The following ABL2 variants were observed in gnomAD, a reference collection of about 807,000 sequenced individuals.
ABL2 encodes tyrosine-protein kinase ABL2.
Under a neutral mutation model 107.7 loss-of-function variants are expected in ABL2, and 49 were observed. That is an observed-to-expected ratio of 0.45 (90% confidence interval 0.36 to 0.58). ABL2 has a LOEUF of 0.58. Among genes scored for constraint, ABL2 ranks in the 20% least tolerant of loss-of-function variants. The probability of loss-of-function intolerance (pLI) is 0.00; values close to 1 mark genes in which losing one functional copy is unlikely to be tolerated. For missense variants in ABL2, 1,245 were observed against 1,457.0 expected (o/e 0.85, Z 2.37); for synonymous variants, 549 against 548.6 (o/e 1.00, Z -0.01).
At chr1:179,129,888 G>A (rs1451900610) in intron 3 of ABL2, among the ~76,000 whole-genome samples, 1 of 152,008 alleles carries the variant, frequency 6.6e-6, no homozygotes, top group Non-Finnish European at 1.5e-5. Context: ...ATGTACAATT[G>A]GCCAGCACAT....
chr1:179,174,849 C>G (rs147748084), intron 1 of ABL2, among the ~76,000 whole-genome samples: 1 of 142,460 alleles, frequency 7.0e-6, no homozygotes, highest in African/African-American at 2.6e-5. Context: ...GAGGCCAGAT[C>G]GTGCCACTGC....
intron 1 of ABL2, among the ~76,000 whole-genome samples, chr1:179,189,687 A>AT (rs1660888608): frequency 6.6e-6 from 1 of 152,122 alleles, no homozygotes. Flanking sequence ...ACTCAACACA[A>AT]TATTTCTAAC....
chr1:179,216,788 ATTC>A (rs1283455690), intron 1 of ABL2, among the ~76,000 whole-genome samples: 1 of 151,906 alleles, frequency 6.6e-6, no homozygotes, highest in Non-Finnish European at 1.5e-5. Flanking sequence ...GGTTCAAGCA[ATTC>A]TTCTGCCTCA....
At position 179,126,364 on chromosome 1, in the gene ABL2, C is replaced by T; in HGVS notation, c.687+13G>A. 6.2e-7 allele frequency: 1 copy of T among 1,606,324 alleles called. No individual in the cohort carries two copies. Among genetic ancestry groups the T allele is most frequent in the South Asian group, 1.1e-5 (1 of 90,810 alleles). ...CCAGTCCATGCTTAAAGGTGGTGAC[C>T]AGGGAGTCTTACCTTGCCATCTGCA... On this transcript the variant is annotated intron_variant, in intron 4 of 11. Coordinates refer to ENST00000502732, the MANE Select transcript of ABL2 (RefSeq NM_007314.4). This position sits in a 1 kb window ranked among gnomAD's most constrained non-coding sequence, Gnocchi z 4.4.
At chr1:179,131,239 T>G (rs1427457529) in intron 3 of ABL2, 72 bp downstream of exon 3, 11 of 1,521,256 alleles carry the variant, frequency 7.2e-6, no homozygotes, top group Non-Finnish European at 9.8e-6. Context: ...CCACTGTGCC[T>G]GGCCAGGCCC....
At chr1:179,150,566 A>G (rs1658298575) in intron 1 of ABL2, among the ~76,000 whole-genome samples, 1 of 152,202 alleles carries the variant, frequency 6.6e-6, no homozygotes, top group African/African-American at 2.4e-5. Context: ...TGAACGGATG[A>G]GGAGTGGCTT....
chr1:179,195,609 C>T (rs566299239), intron 1 of ABL2, among the ~76,000 whole-genome samples: 7 of 151,962 alleles, frequency 4.6e-5, no homozygotes, highest in African/African-American at 1.7e-4. Flanking sequence ...GTCACAATAG[C>T]CAAAAAGTGG....
intron 3 of ABL2, among the ~76,000 whole-genome samples, chr1:179,127,803 G>A (rs933553865): frequency 6.6e-6 from 1 of 151,884 alleles, no homozygotes; most frequent in African/African-American, 2.4e-5. Flanking sequence ...AGGCTGAGAG[G>A]GGCGGATCAC....
chr1:179,149,953 CG>C (rs1229312972), intron 1 of ABL2, among the ~76,000 whole-genome samples: 1 of 152,100 alleles, frequency 6.6e-6, no homozygotes, highest in Admixed American at 6.6e-5. Flanking sequence ...CATTTTGGGC[CG>C]GGCATGGTGT....
rs1214447499 is a variant in ABL2, at chr1:179,112,333, A to C, written c.1627T>G (p.Phe543Val). Reference sequence around the variant, plus strand: ...CCTTCAGAAATGCTGGAGTCATGGAACATGGTTTCAAAAGCTTGGTGTGTT... The same window carrying C: ...CCTTCAGAAATGCTGGAGTCATGGACCATGGTTTCAAAAGCTTGGTGTGTT... The part of the protein sequence containing the change: ...AETHQAFETM[F>V]HDSSISEEVA... Residue 543 changes from phenylalanine (F) to valine (V), a missense_variant, in exon 10 of 12, where the codon TTC becomes GTC. Coordinates refer to ENST00000502732, the MANE Select transcript of ABL2 (RefSeq NM_007314.4). 1.9e-6 allele frequency: 3 copies of C among 1,613,850 alleles called. No individual in the cohort carries two copies. The highest frequency in any genetic ancestry group is 2.5e-6 in the Non-Finnish European group (3 of 1,179,754).
In ABL2 at chr1:179,101,435, G is replaced by A. The variant is rs886774862; in HGVS notation, c.*6283C>T. ...TCTGTCACTTAGGCTGGAGTGCAGC[G>A]GCGCGATCTCAGCTCACTGCAACCT... On this transcript the variant is annotated 3_prime_UTR_variant, in exon 12 of 12. Coordinates refer to ENST00000502732, the MANE Select transcript of ABL2 (RefSeq NM_007314.4). The A allele has an allele frequency of 3.4e-5, 6 of 178,374 alleles. 1 individual carries two copies. Among genetic ancestry groups the A allele is most frequent in the East Asian group, 1.9e-4 (2 of 10,786 alleles). The allele number at this position is 178,374 out of a possible 1,614,324, so 11.0% of individuals were successfully genotyped here. A position where few individuals can be genotyped will look rare whatever the true frequency, so the allele number is the denominator to read the frequency against.
chr1:179,210,503 CAAAAAAAAAA>C (rs113814284), intron 1 of ABL2, among the ~76,000 whole-genome samples: 1 of 94,120 alleles, frequency 1.1e-5, no homozygotes, highest in African/African-American at 4.3e-5. Context: ...CTCTAACTCA[CAAAAAAAAAA>C]AAAAAGAAAA....
At chr1:179,195,287 CAAAA>C (rs991296416) in intron 1 of ABL2, among the ~76,000 whole-genome samples, 2 of 151,158 alleles carry the variant, frequency 1.3e-5, no homozygotes, top group Admixed American at 1.3e-4. Flanking sequence ...AACTCTGTCT[CAAAA>C]AAAACAAAAA....
intron 1 of ABL2, among the ~76,000 whole-genome samples, chr1:179,224,570 A>G (rs944706475): frequency 1.3e-5 from 2 of 151,766 alleles, no homozygotes; most frequent in African/African-American, 4.8e-5. Flanking sequence ...CGCCCAGCCT[A>G]AAGTTAATTT....
At position 179,106,258 on chromosome 1, in the gene ABL2, T is replaced by G. The variant is rs1653464958; in HGVS notation, c.*1460A>C. ...ACCTAACTCATTAGATTCACTTCCA[T>G]GCCATCCTAATTAGCTTCCACAATT... is the stretch of plus-strand genomic sequence containing the variant. On this transcript the variant is annotated 3_prime_UTR_variant, in exon 12 of 12. Coordinates refer to ENST00000502732, the MANE Select transcript of ABL2 (RefSeq NM_007314.4). 8.8e-6 allele frequency: 2 copies of G among 227,740 alleles called. No homozygotes were observed. The highest frequency in any genetic ancestry group is 1.7e-5 in the Non-Finnish European group (2 of 114,718). The allele number at this position is 227,740 out of a possible 1,614,324, so 14.1% of individuals were successfully genotyped here.
chr1:179,109,907 G>T (rs547712473), intron 11 of ABL2, among the ~76,000 whole-genome samples: 1 of 146,026 alleles, frequency 6.8e-6, no homozygotes, highest in African/African-American at 2.6e-5. Context: ...CAGCCTGGGC[G>T]ACACAGTGAG....
intron 1 of ABL2, among the ~76,000 whole-genome samples, chr1:179,218,465 C>T (rs979259121): frequency 1.3e-5 from 2 of 152,080 alleles, no homozygotes; most frequent in Admixed American, 6.6e-5. Flanking sequence ...GGTACGATCT[C>T]GGCTCACTGC....
chr1:179,217,491 TG>T (rs1455101724), intron 1 of ABL2, among the ~76,000 whole-genome samples: 2 of 151,750 alleles, frequency 1.3e-5, no homozygotes, highest in Non-Finnish European at 2.9e-5. Context: ...CCGAGTGTGA[TG>T]GCATGCACCT....
chr1:179,200,861 G>A (rs2102844607), intron 1 of ABL2, among the ~76,000 whole-genome samples: 1 of 152,304 alleles, frequency 6.6e-6, no homozygotes, highest in African/African-American at 2.4e-5. Context: ...AAGTGTCCAA[G>A]TCTTCTCCCA....
Sources: gnomAD v4.1 joint callset for allele counts (sites outside exome capture counted in the v4.1 genomes callset) on GRCh38, gnomAD v4.1.1 for gene constraint, Gnocchi (gnomAD v3.1) non-coding constraint, MANE v1.5 for transcripts, NCBI Gene and HGNC (gene_info 2026-07-23, HGNC 2026-07-21) for gene names.